MICALL1: variants seen among roughly 807,000 people sequenced by gnomAD.
The protein encoded by MICALL1 is MICAL-like protein 1.
MICALL1 carries 61 observed loss-of-function variants against 83.7 expected under a neutral mutation model. The ratio of observed to expected loss-of-function variants is 0.73; its 90% CI spans 0.59 to 0.90. The LOEUF (loss-of-function observed/expected upper bound fraction) is 0.90, where lower values mean the gene tolerates loss of function less well. Among genes scored for constraint, MICALL1 ranks in the 40% least tolerant of loss-of-function variants. The pLI is 0.00. For missense variants in MICALL1, 1,066 were observed against 1,152.0 expected (o/e 0.93, Z 1.08); for synonymous variants, 481 against 473.6 (o/e 1.02, Z -0.20).
Position 37,924,677 on chromosome 22 carries a change from C to T in MICALL1, c.1042C>T (p.Pro348Ser). Residue 348 changes from proline (P) to serine (S), a missense_variant, in exon 7 of 16, where the codon CCT (proline) becomes TCT (serine). By Grantham distance (74) the Pro-to-Ser change is moderately conservative. Coordinates refer to ENST00000215957, the MANE Select transcript of MICALL1 (RefSeq NM_033386.4). The surrounding 1 kb of genome is among the most constrained non-coding windows in gnomAD (Gnocchi z 5.2). The stretch of plus-strand genomic sequence containing the variant: ...CCATCTAGGGAGACTGCACGAACTG[C>T]CTGTCCCCAAGCCGAGGGGGACACC... The part of the protein sequence containing the change: ...SLVNGRLHEL[P>S]VPKPRGTPKP... 6.2e-7 allele frequency: 1 copy of T among 1,612,330 alleles called. No individual in the cohort carries two copies. The highest frequency in any genetic ancestry group is 8.5e-7 in the Non-Finnish European group (1 of 1,179,064).
At chr22:37,933,003 C>T in intron 12 of MICALL1, 36 bp from the exon 13 acceptor site, 1 of 1,613,698 alleles carries the variant, frequency 6.2e-7, no homozygotes, top group Non-Finnish European at 8.5e-7. Flanking sequence ...GGGGCTCGGG[C>T]AGAATTGTTA....
At position 37,941,691 on chromosome 22, in the gene MICALL1, C is replaced by T. The variant is rs978446045; in HGVS notation, c.*861C>T. On this transcript the variant is annotated 3_prime_UTR_variant, in exon 16 of 16. Transcript: ENST00000215957. The stretch of plus-strand genomic sequence containing the variant: ...TTAGGCTTTCCTCTGCCACCCCGGT[C>T]CAGGGAAGAGGCTCGCTCCCGCCCA... 2.6e-5 allele frequency: 4 copies of T among 152,418 alleles called. No individual in the cohort carries two copies. Among genetic ancestry groups the T allele is most frequent in the African/African-American group, 9.6e-5 (4 of 41,462 alleles). The allele number at this position is 152,418 out of a possible 1,614,324, so 9.4% of individuals were successfully genotyped here. A position where few individuals can be genotyped will look rare whatever the true frequency, so the allele number is the denominator to read the frequency against.
Position 37,940,996 on chromosome 22 carries a change from T to A in MICALL1, c.*166T>A. 1.3e-6 allele frequency: 1 copy of A among 798,664 alleles called. No individual in the cohort carries two copies. The highest frequency in any genetic ancestry group is 1.9e-6 in the Non-Finnish European group (1 of 522,532). The allele number at this position is 798,664 out of a possible 1,614,324, so 49.5% of individuals were successfully genotyped here. A position where few individuals can be genotyped will look rare whatever the true frequency, so the allele number is the denominator to read the frequency against. Reference sequence around the variant, plus strand: ...TTCCTCCTCAGGGACCTCTGACTGCTCTGGGCCAAAGAATCTCTTGTTTCT... The same window carrying A: ...TTCCTCCTCAGGGACCTCTGACTGCACTGGGCCAAAGAATCTCTTGTTTCT... On this transcript the variant is annotated 3_prime_UTR_variant, in exon 16 of 16. Coordinates refer to ENST00000215957, the MANE Select transcript of MICALL1 (RefSeq NM_033386.4).
chr22:37,906,443 G>T lies in MICALL1; in HGVS notation c.21G>T (p.Ala7=). Residue 7 remains alanine (A), a synonymous_variant, in exon 1 of 16, where the codon GCG becomes GCT. Coordinates refer to ENST00000215957, the MANE Select transcript of MICALL1 (RefSeq NM_033386.4). This position sits in a 1 kb window ranked among gnomAD's most constrained non-coding sequence, Gnocchi z 4.4. MAGPRG[A]LLAWCRRQCE... ...GGGTCATGGCTGGGCCGCGGGGCGC[G>T]CTGCTGGCCTGGTGCCGCCGCCAGT... 1 of 1,167,920 alleles carries T rather than the reference G, an allele frequency of 8.6e-7. No homozygotes were observed. The highest frequency in any genetic ancestry group is 1.1e-6 in the Non-Finnish European group (1 of 946,134). The allele number at this position is 1,167,920 out of a possible 1,614,324, so 72.3% of individuals were successfully genotyped here.
intron 12 of MICALL1, 25 bp from the exon 13 acceptor site, chr22:37,933,012 TAA>T: frequency 1.2e-6 from 2 of 1,613,926 alleles, no homozygotes; most frequent in Non-Finnish European, 1.7e-6. Flanking sequence ...GCAGAATTGT[TAA>T]GAGTCACCTT....
intron 6 of MICALL1, among the ~76,000 whole-genome samples, chr22:37,923,305 C>T (rs763607499): frequency 6.6e-6 from 1 of 152,136 alleles, no homozygotes; most frequent in Non-Finnish European, 1.5e-5. Context: ...CGGCTCACTG[C>T]AATCTCTGCC....
At chr22:37,929,374 A>G (rs1244973782) in intron 9 of MICALL1, among the ~76,000 whole-genome samples, 9 of 152,152 alleles carry the variant, frequency 5.9e-5, no homozygotes, top group African/African-American at 2.2e-4. Flanking sequence ...CAGCCAGGTC[A>G]GGGGGAGGTG....
chr22:37,919,024 C>A lies in MICALL1; in HGVS notation c.427-12C>A. ...GTCCTGCTCCCAACCTCCCCCACCT[C>A]GTTCTCTGCAGGGCGAGGAGCTCTC... On this transcript the variant is annotated splice_polypyrimidine_tract_variant and intron_variant, in intron 4 of 15. Coordinates refer to ENST00000215957, the MANE Select transcript of MICALL1 (RefSeq NM_033386.4). The A allele has an allele frequency of 6.5e-7, 1 of 1,540,060 alleles. No individual in the cohort carries two copies. Among genetic ancestry groups the A allele is most frequent in the Middle Eastern group, 1.7e-4 (1 of 5,952 alleles).
chr22:37,909,828 C>T (rs1177860764), intron 1 of MICALL1, among the ~76,000 whole-genome samples: 1 of 152,026 alleles, frequency 6.6e-6, no homozygotes, highest in Non-Finnish European at 1.5e-5. Context: ...GTAGGGAAGT[C>T]CTCAGTGATG....
At chr22:37,921,935 G>A (rs759291562) in intron 5 of MICALL1, 37 bp from the exon 6 acceptor site, 1 of 1,510,778 alleles carries the variant, frequency 6.6e-7, no homozygotes, top group East Asian at 2.3e-5. Context: ...GGGCCCAGCT[G>A]CCTGGCTAAG....
At position 37,924,559 on chromosome 22, in the gene MICALL1, A is replaced by C; in HGVS notation, c.1025-101A>C. On this transcript the variant is annotated intron_variant, in intron 6 of 15. Coordinates refer to ENST00000215957, the MANE Select transcript of MICALL1 (RefSeq NM_033386.4). The surrounding 1 kb of genome is among the most constrained non-coding windows in gnomAD (Gnocchi z 5.2). ...GGGGAGGTGCGAGGGTGCCAGGAGGAAGGCGGGGCGCTCCTGGGGAGGCAG... is the reference window on the plus strand; with the variant it reads ...GGGGAGGTGCGAGGGTGCCAGGAGGCAGGCGGGGCGCTCCTGGGGAGGCAG... The C allele has an allele frequency of 8.7e-7, 1 of 1,146,920 alleles. No individual in the cohort carries two copies. Among genetic ancestry groups the C allele is most frequent in the Non-Finnish European group, 1.3e-6 (1 of 791,280 alleles). 71.0% of individuals were successfully genotyped at this position (1,146,920 alleles called of 1,614,324 possible). A position where few individuals can be genotyped will look rare whatever the true frequency, so the allele number is the denominator to read the frequency against.
rs1055096688 is a variant in MICALL1 at position 37,924,525 on chromosome 22, G to A, written c.1025-135G>A. 2 of 761,736 alleles carry A rather than the reference G, an allele frequency of 2.6e-6. No individual in the cohort carries two copies. Among genetic ancestry groups the A allele is most frequent in the Non-Finnish European group, 4.2e-6 (2 of 472,036 alleles). 47.2% of individuals were successfully genotyped at this position (761,736 alleles called of 1,614,324 possible). On this transcript the variant is annotated intron_variant, in intron 6 of 15. Coordinates refer to ENST00000215957, the MANE Select transcript of MICALL1 (RefSeq NM_033386.4). This position sits in a 1 kb window ranked among gnomAD's most constrained non-coding sequence, Gnocchi z 5.2. The stretch of plus-strand genomic sequence containing the variant: ...CCTGGGTGCTTATCTAATCTCCATG[G>A]GCTGGCCTGGGGAGGTGCGAGGGTG...
chr22:37,933,528 G>T (rs968992225), intron 13 of MICALL1, among the ~76,000 whole-genome samples: 2 of 152,154 alleles, frequency 1.3e-5, no homozygotes, highest in Non-Finnish European at 2.9e-5. Context: ...GTGTAAGATG[G>T]GAATGAAGGT....
At position 37,922,243 on chromosome 22, in the gene MICALL1, C is replaced by T; in HGVS notation, c.841C>T (p.Pro281Ser). ...CAGCCCTGAGGCCCGGCCGCAGATC[C>T]CTACCAAGCCCCGGGTTCCTGGCAA... ...KASPEARPQI[P>S]TKPRVPGKLQ... Residue 281 changes from proline (P) to serine (S), a missense_variant, in exon 6 of 16, where the codon CCT becomes TCT. Pro to Ser is a moderately conservative substitution (Grantham distance 74). Coordinates refer to ENST00000215957, the MANE Select transcript of MICALL1 (RefSeq NM_033386.4). 6.3e-7 allele frequency: 1 copy of T among 1,599,776 alleles called. No individual in the cohort carries two copies. Among genetic ancestry groups the T allele is most frequent in the Non-Finnish European group, 8.5e-7 (1 of 1,173,730 alleles).
chr22:37,922,796 G>GTTTTTTTTTTT (rs574266914), intron 6 of MICALL1, among the ~76,000 whole-genome samples: 169 of 69,116 alleles, frequency 2.4e-3, no homozygotes, highest in Non-Finnish European at 3.2e-3. Context: ...GTTTTTTTTT[G>GTTTTTTTTTTT]TTTTTTTTTT....
Position 37,917,790 on chromosome 22 carries a change from G to A in MICALL1, c.421G>A (p.Ala141Thr). 4 of 1,613,716 alleles carry A rather than the reference G, an allele frequency of 2.5e-6. No homozygotes were observed. In the South Asian group the frequency reaches 3.3e-5, roughly 13 times the overall value. The change falls in exon 4 of 16, where the codon GCT (alanine) becomes ACT (threonine). Residue 141 changes from alanine (A) to threonine (T), a missense_variant. Ala to Thr is a moderately conservative substitution (Grantham distance 58). Transcript: ENST00000215957. ...CACTCCAGTGGAACCAGAAGATGTG[G>A]CTCAGGTAGGCAGATACCTGGAGAG... Reference protein sequence around the residue: ...APTPVEPEDVAQGEELSSGSL... With the variant: ...APTPVEPEDVTQGEELSSGSL...
At chr22:37,907,678 C>T (rs1187273275) in intron 1 of MICALL1, among the ~76,000 whole-genome samples, 2 of 152,226 alleles carry the variant, frequency 1.3e-5, no homozygotes, top group African/African-American at 2.4e-5. Context: ...TAAGGGATTG[C>T]CTCAGGATTC....
chr22:37,940,944 G>C lies in MICALL1; in HGVS notation c.*114G>C. ...ATCAGTCAGGAGGAAGATGACTAAG[G>C]GGAGGGATCCTCTGGGTGATGGCCT... On this transcript the variant is annotated 3_prime_UTR_variant, in exon 16 of 16. Coordinates refer to ENST00000215957, the MANE Select transcript of MICALL1 (RefSeq NM_033386.4). The C allele has an allele frequency of 2.9e-6, 4 of 1,374,392 alleles. No individual in the cohort carries two copies. Among genetic ancestry groups the C allele is most frequent in the Non-Finnish European group, 4.0e-6 (4 of 1,004,940 alleles). 85.1% of individuals were successfully genotyped at this position (1,374,392 alleles called of 1,614,324 possible). A position where few individuals can be genotyped will look rare whatever the true frequency, so the allele number is the denominator to read the frequency against.
At position 37,912,045 on chromosome 22, in the gene MICALL1, G is replaced by A. The variant is rs73883996; in HGVS notation, c.195+45G>A. The A allele has an allele frequency of 1.9e-6, 1 of 515,710 alleles. No homozygotes were observed. Among genetic ancestry groups the A allele is most frequent in the Non-Finnish European group, 2.7e-6 (1 of 364,944 alleles). 31.9% of individuals were successfully genotyped at this position (515,710 alleles called of 1,614,324 possible). A position where few individuals can be genotyped will look rare whatever the true frequency, so the allele number is the denominator to read the frequency against. On this transcript the variant is annotated intron_variant, in intron 2 of 15. Coordinates refer to ENST00000215957, the MANE Select transcript of MICALL1 (RefSeq NM_033386.4). ...GAAGCCCAAGAGGCTCTGTGTATGT[G>A]TGTGTGTGTGTGTGTGTGTTTGGTG...
Sources: gnomAD v4.1 joint callset for allele counts (sites outside exome capture counted in the v4.1 genomes callset) on GRCh38, gnomAD v4.1.1 for gene constraint, Gnocchi (gnomAD v3.1) non-coding constraint, MANE v1.5 for transcripts, NCBI Gene and HGNC (gene_info 2026-07-23, HGNC 2026-07-21) for gene names.